CPA6: variants seen among roughly 807,000 people sequenced by gnomAD.
CPA6 encodes carboxypeptidase B.
Under a neutral mutation model 63.3 loss-of-function variants are expected in CPA6, and 58 were observed. The observed-to-expected ratio is 0.92, with a 90% CI of 0.74 to 1.14. CPA6 has a LOEUF of 1.14. Ranked by LOEUF, CPA6 falls within the 50% of genes most tolerant of loss-of-function variation. The pLI is 0.00. For synonymous variants in CPA6, 185 were observed against 179.0 expected (o/e 1.03, Z -0.27); for missense variants, 565 against 526.6 (o/e 1.07, Z -0.71).
At chr8:67,596,624 A>T (rs1814344426) in intron 2 of CPA6, among the ~76,000 whole-genome samples, 1 of 152,096 alleles carries the variant, frequency 6.6e-6, no homozygotes, top group Non-Finnish European at 1.5e-5. Context: ...AAAATCAAGG[A>T]TAGTACAATC....
intron 1 of CPA6, among the ~76,000 whole-genome samples, chr8:67,743,415 A>G (rs1168520600): frequency 6.6e-6 from 1 of 152,186 alleles, no homozygotes; most frequent in Non-Finnish European, 1.5e-5. Flanking sequence ...AATGTAAAAT[A>G]AGCACATCGT....
At chr8:67,682,181 G>T (rs2128996079) in intron 1 of CPA6, among the ~76,000 whole-genome samples, 1 of 151,444 alleles carries the variant, frequency 6.6e-6, no homozygotes, top group East Asian at 1.9e-4. Flanking sequence ...TTTAAGTTTT[G>T]ATTTAATTTG....
At chr8:67,452,076 A>G (rs1343783530) in intron 8 of CPA6, among the ~76,000 whole-genome samples, 2 of 152,192 alleles carry the variant, frequency 1.3e-5, no homozygotes, top group Non-Finnish European at 2.9e-5. Flanking sequence ...CAGACTGTAT[A>G]AAAAACTGTA....
intron 6 of CPA6, among the ~76,000 whole-genome samples, chr8:67,495,522 A>G (rs1466773677): frequency 6.6e-6 from 1 of 151,994 alleles, no homozygotes; most frequent in African/African-American, 2.4e-5. Flanking sequence ...TTCCATTCCT[A>G]CATCCACTCT....
intron 1 of CPA6, among the ~76,000 whole-genome samples, chr8:67,630,367 T>G (rs1260070202): frequency 6.6e-6 from 1 of 151,802 alleles, no homozygotes; most frequent in Admixed American, 6.6e-5. Flanking sequence ...GGAAACTGAG[T>G]ACCTAAAGAA....
intron 2 of CPA6, among the ~76,000 whole-genome samples, chr8:67,534,546 T>G (rs1261852370): frequency 6.6e-6 from 1 of 152,202 alleles, no homozygotes; most frequent in Non-Finnish European, 1.5e-5. Context: ...CTTTCCTGTA[T>G]GTCCACTCAT....
At chr8:67,636,184 A>C (rs1815465109) in intron 1 of CPA6, among the ~76,000 whole-genome samples, 1 of 151,492 alleles carries the variant, frequency 6.6e-6, no homozygotes, top group African/African-American at 2.4e-5. Flanking sequence ...AATGTAAACA[A>C]GCAGATATGC....
rs151238883 is a variant in CPA6 at position 67,640,492 on chromosome 8, A to G, written c.117-16241T>C. Among the ~76,000 whole-genome samples, 1,384 of 151,114 alleles carry G rather than the reference A, an allele frequency of 9.2e-3. 84 individuals carry two copies. Among genetic ancestry groups the G allele is most frequent in the African/African-American group, 0.032 (1,310 of 40,638 alleles). On this transcript the variant is annotated intron_variant, in intron 1 of 10. Coordinates refer to ENST00000297770, the MANE Select transcript of CPA6 (RefSeq NM_020361.5). ...AACTTTGCTCCATGATTGGAGCAAGAACTAACAGTGGCGAGAAGTCAGACA... is the reference window on the plus strand; with the variant it reads ...AACTTTGCTCCATGATTGGAGCAAGGACTAACAGTGGCGAGAAGTCAGACA...
At chr8:67,559,472 C>T (rs1813150485) in intron 2 of CPA6, among the ~76,000 whole-genome samples, 1 of 152,090 alleles carries the variant, frequency 6.6e-6, no homozygotes, top group Non-Finnish European at 1.5e-5. Context: ...TATCCCATGG[C>T]CATGATGTCC....
intron 8 of CPA6, among the ~76,000 whole-genome samples, chr8:67,456,192 T>A (rs1270753184): frequency 1.3e-5 from 2 of 152,240 alleles, no homozygotes; most frequent in African/African-American, 4.8e-5. Flanking sequence ...GTTTTGTTGT[T>A]AGAGGCAGTC....
intron 1 of CPA6, among the ~76,000 whole-genome samples, chr8:67,711,645 G>A (rs1210176716): frequency 2.6e-5 from 4 of 151,590 alleles, no homozygotes; most frequent in Non-Finnish European, 4.4e-5. Context: ...CGTGTGGTAT[G>A]TGTGTGGTAT....
intron 8 of CPA6, among the ~76,000 whole-genome samples, chr8:67,448,573 TG>T (rs1367182316): frequency 1.5e-5 from 2 of 135,962 alleles, no homozygotes; most frequent in African/African-American, 3.0e-5. Context: ...TCGAGGTTGC[TG>T]TGAGCTATGA....
intron 1 of CPA6, among the ~76,000 whole-genome samples, chr8:67,745,757 C>A (rs1193546819): frequency 6.6e-6 from 1 of 152,170 alleles, no homozygotes; most frequent in African/African-American, 2.4e-5. Context: ...AAGACAGAAT[C>A]CCATTCAACC....
chr8:67,673,709 T>C (rs1328740073), intron 1 of CPA6, among the ~76,000 whole-genome samples: 1 of 152,072 alleles, frequency 6.6e-6, no homozygotes, highest in Non-Finnish European at 1.5e-5. Flanking sequence ...ATTATTTTTA[T>C]CCACAGACTA....
chr8:67,624,525 T>C (rs1256802501), intron 1 of CPA6, among the ~76,000 whole-genome samples: 1 of 152,148 alleles, frequency 6.6e-6, no homozygotes, highest in Non-Finnish European at 1.5e-5. Context: ...ACAAAAAGAG[T>C]GGCAACGAGG....
chr8:67,515,669 C>T (rs1296080856), intron 3 of CPA6, among the ~76,000 whole-genome samples: 1 of 152,118 alleles, frequency 6.6e-6, no homozygotes, highest in Non-Finnish European at 1.5e-5. Context: ...ACATTTTCTC[C>T]CACCTCCTCT....
rs146609518 is a variant in CPA6, at chr8:67,501,936, A to G, written c.636+4851T>C. ...TTGTAATAGTTATAGGGATATTCAAATTCTCTACTTTCTAATAGGTAAGTT... is the reference window on the plus strand; with the variant it reads ...TTGTAATAGTTATAGGGATATTCAAGTTCTCTACTTTCTAATAGGTAAGTT... On this transcript the variant is annotated intron_variant, in intron 6 of 10. Transcript: ENST00000297770. 1.7e-3 allele frequency among the ~76,000 whole-genome samples: 259 copies of G among 152,304 alleles called. 1 individual carries two copies. Among genetic ancestry groups the G allele is most frequent in the African/African-American group, 6.0e-3 (249 of 41,584 alleles).
At chr8:67,722,369 T>C (rs1480738069) in intron 1 of CPA6, among the ~76,000 whole-genome samples, 2 of 152,276 alleles carry the variant, frequency 1.3e-5, no homozygotes, top group East Asian at 1.9e-4. Flanking sequence ...TCAGTACATC[T>C]GGGGCAAGCC....
chr8:67,736,181 T>A (rs990634309), intron 1 of CPA6, among the ~76,000 whole-genome samples: 5 of 152,186 alleles, frequency 3.3e-5, no homozygotes, highest in East Asian at 1.9e-4. Flanking sequence ...GTCTTTCCTT[T>A]ATCACTGGTC....
Sources: gnomAD v4.1 joint callset for allele counts (sites outside exome capture counted in the v4.1 genomes callset) on GRCh38, gnomAD v4.1.1 for gene constraint, MANE v1.5 for transcripts, NCBI Gene and HGNC (gene_info 2026-07-23, HGNC 2026-07-21) for gene names.